TRIM2: variants seen among roughly 807,000 people sequenced by gnomAD.
TRIM2 encodes the protein tripartite motif containing 2.
In TRIM2, 20 loss-of-function variants were observed where a neutral mutation model predicts 75.2. The observed-to-expected ratio is 0.27, with a 90% CI of 0.19 to 0.39. TRIM2 has a LOEUF of 0.39. TRIM2 is among the 10% of genes least tolerant of loss of function. The pLI is 1.00. For missense variants in TRIM2, 660 were observed against 990.8 expected, an observed-to-expected ratio of 0.67 and a Z score of 4.48; for synonymous variants, 373 against 388.3, an observed-to-expected ratio of 0.96 and a Z score of 0.46.
intron 1 of TRIM2, among the ~76,000 whole-genome samples, chr4:153,185,222 CAG>C (rs760810415): frequency 3.3e-5 from 5 of 152,184 alleles, no homozygotes; most frequent in Non-Finnish European, 7.3e-5. Flanking sequence ...TCCCCAAGAG[CAG>C]AGTTTATTCT....
At chr4:153,175,403 C>T (rs1466548633) in intron 1 of TRIM2, among the ~76,000 whole-genome samples, 1 of 152,206 alleles carries the variant, frequency 6.6e-6, no homozygotes, top group East Asian at 1.9e-4. Flanking sequence ...ATTCCCTATC[C>T]TTGAGCAATG....
chr4:153,325,111 G>C (rs947219107), intron 10 of TRIM2, among the ~76,000 whole-genome samples: 1 of 152,176 alleles, frequency 6.6e-6, no homozygotes, highest in Non-Finnish European at 1.5e-5. Context: ...GCTAATGACT[G>C]CGATAGCTAG....
At chr4:153,159,531 C>T (rs535696594) in intron 1 of TRIM2, among the ~76,000 whole-genome samples, 4 of 152,048 alleles carry the variant, frequency 2.6e-5, no homozygotes, top group African/African-American at 9.6e-5. Flanking sequence ...GTCTTGAACT[C>T]CTGGGCTCAA....
At chr4:153,190,617 C>A (rs1032133502) in intron 1 of TRIM2, among the ~76,000 whole-genome samples, 19 of 152,270 alleles carry the variant, frequency 1.2e-4, no homozygotes, top group South Asian at 8.3e-4. Context: ...AAAACTCAAA[C>A]TAACTCAGAA....
At chr4:153,160,343 C>A (rs1369960345) in intron 1 of TRIM2, among the ~76,000 whole-genome samples, 2 of 152,162 alleles carry the variant, frequency 1.3e-5, no homozygotes, top group African/African-American at 4.8e-5. Context: ...TAGAAATAAG[C>A]GCTTTTGAGA....
intron 1 of TRIM2, among the ~76,000 whole-genome samples, chr4:153,189,489 G>A (rs1020166302): frequency 2.0e-5 from 3 of 152,174 alleles, no homozygotes; most frequent in Admixed American, 6.5e-5. Context: ...TCTGGATCAC[G>A]GTGTGTACTT....
intron 6 of TRIM2, among the ~76,000 whole-genome samples, chr4:153,312,254 T>G (rs1475333411): frequency 6.6e-6 from 1 of 152,020 alleles, no homozygotes; most frequent in Non-Finnish European, 1.5e-5. Context: ...TCATCATTTT[T>G]TATGGCTGCA....
At chr4:153,296,064 C>T (rs2150146397) in intron 6 of TRIM2, 28 bp downstream of exon 6, 1 of 1,511,980 alleles carries the variant, frequency 6.6e-7, no homozygotes, top group East Asian at 2.3e-5. Flanking sequence ...GTGCCCGACG[C>T]CTGAGCTGGC....
At chr4:153,279,625 G>A (rs1389476565) in intron 3 of TRIM2, among the ~76,000 whole-genome samples, 1 of 152,008 alleles carries the variant, frequency 6.6e-6, no homozygotes, top group Non-Finnish European at 1.5e-5. Flanking sequence ...GGGCAACATA[G>A]TGAGTCCTCA....
chr4:153,229,685 A>C (rs1181631798), intron 1 of TRIM2, among the ~76,000 whole-genome samples: 1 of 152,260 alleles, frequency 6.6e-6, no homozygotes, highest in Non-Finnish European at 1.5e-5. Flanking sequence ...TAGTTTCTGT[A>C]ATAGAAGGAA....
chr4:153,220,200 G>T (rs2149746951), intron 1 of TRIM2, among the ~76,000 whole-genome samples: 1 of 152,226 alleles, frequency 6.6e-6, no homozygotes, highest in South Asian at 2.1e-4. Flanking sequence ...AATTGTGTTG[G>T]TGGTGACTGC....
At position 153,335,884 on chromosome 4, in the gene TRIM2, G is replaced by C. The variant is rs1772391119; in HGVS notation, c.*918G>C. The C allele has an allele frequency of 2.0e-6, 2 of 985,696 alleles. No homozygotes were observed. Among genetic ancestry groups the C allele is most frequent in the African/African-American group, 3.5e-5 (2 of 57,212 alleles). 61.1% of individuals were successfully genotyped at this position (985,696 alleles called of 1,614,324 possible). ...CTGCAAATGTCAGCACATGTAGTAG[G>C]ACACCAGTATCCTAGGACAGAGAGC... On this transcript the variant is annotated 3_prime_UTR_variant, in exon 12 of 12. Coordinates refer to ENST00000338700, the MANE Select transcript of TRIM2 (RefSeq NM_015271.5).
Position 153,322,798 on chromosome 4 carries a change from G to A in TRIM2, c.1933G>A (p.Gly645Arg). 6.2e-7 allele frequency: 1 copy of A among 1,614,196 alleles called. No individual in the cohort carries two copies. Among genetic ancestry groups the A allele is most frequent in the Non-Finnish European group, 8.5e-7 (1 of 1,180,034 alleles). The part of the protein sequence containing the change: ...IVTRFGSRGN[G>R]DRQFAGPHFA... ...CACCAGGTTTGGTAGCCGAGGAAATGGGGACAGGCAGTTTGCAGGTACACT... is the reference window on the plus strand; with the variant it reads ...CACCAGGTTTGGTAGCCGAGGAAATAGGGACAGGCAGTTTGCAGGTACACT... The change falls in exon 9 of 12, where the codon GGG (glycine) becomes AGG (arginine). Residue 645 changes from glycine to arginine, a missense_variant. This residue lies in a region of TRIM2 where 620 missense variants were observed against 891.0 expected (regional missense o/e 0.70). Transcript: ENST00000338700.
chr4:153,261,194 G>A (rs898401902), intron 1 of TRIM2, among the ~76,000 whole-genome samples: 2 of 152,350 alleles, frequency 1.3e-5, no homozygotes, highest in Middle Eastern at 6.8e-3. Context: ...GGCCAAGGCC[G>A]GTGGATTGCT....
At chr4:153,320,159 G>A (rs1768617704) in intron 8 of TRIM2, among the ~76,000 whole-genome samples, 1 of 152,146 alleles carries the variant, frequency 6.6e-6, no homozygotes, top group Admixed American at 6.5e-5. Context: ...CCACCATTGT[G>A]TTATAGCCTC....
intron 1 of TRIM2, among the ~76,000 whole-genome samples, chr4:153,155,460 G>A (rs889734401): frequency 2.0e-5 from 3 of 152,114 alleles, no homozygotes; most frequent in Non-Finnish European, 4.4e-5. Flanking sequence ...ATAATGAGGT[G>A]GAAAGAGGAG....
intron 1 of TRIM2, chr4:153,157,161 G>A (rs1729310638): frequency 6.6e-6 from 1 of 152,226 alleles, no homozygotes; most frequent in Non-Finnish European, 1.5e-5. Flanking sequence ...GTGTTGTTTA[G>A]CAAGGTTGCA....
chr4:153,280,384 CTT>C (rs3048122), intron 3 of TRIM2, among the ~76,000 whole-genome samples: 9 of 116,956 alleles, frequency 7.7e-5, no homozygotes, highest in Admixed American at 1.8e-4. Context: ...CAGCAAATTC[CTT>C]TTTTTTTTTT....
In TRIM2 at chr4:153,314,368, C is replaced by T. The variant is rs1403206899; in HGVS notation, c.1511-1117C>T. Among the ~76,000 whole-genome samples, 6 of 138,490 alleles carry T rather than the reference C, an allele frequency of 4.3e-5. 1 individual carries two copies. Among genetic ancestry groups the T allele is most frequent in the African/African-American group, 1.8e-4 (6 of 32,566 alleles). The allele number at this position is 138,490 out of a possible 152,430, so 90.9% of individuals were successfully genotyped here. ...CCGGGAGGTGGAGCTTGCAGTGAGC[C>T]GAGATCCCGCCACTGCACTCCAGCC... On this transcript the variant is annotated intron_variant, in intron 6 of 11. Coordinates refer to ENST00000338700, the MANE Select transcript of TRIM2 (RefSeq NM_015271.5).
Sources: allele counts gnomAD v4.1 joint callset (sites outside exome capture counted in the v4.1 genomes callset), GRCh38; gene constraint gnomAD v4.1.1; regional missense constraint gnomAD v4.1.1; transcripts MANE v1.5; gene names NCBI Gene and HGNC (gene_info 2026-07-23, HGNC 2026-07-21).